Variants in NXPE2 observed in about 807,000 individuals in gnomAD.
The protein encoded by NXPE2 is neurexophilin and PC-esterase domain family member 2.
In NXPE2, 34 loss-of-function variants were observed where a neutral mutation model predicts 34.4. That is an observed-to-expected ratio of 0.99 (90% CI 0.75 to 1.31). The LOEUF (loss-of-function observed/expected upper bound fraction) is 1.31, where lower values mean the gene tolerates loss of function less well. NXPE2 is among the 40% of genes most tolerant of loss of function. NXPE2 has a pLI of 0.00. For synonymous variants in NXPE2, 235 were observed against 231.3 expected (o/e 1.02, Z -0.15); for missense variants, 649 against 672.5 (o/e 0.97, Z 0.39).
At chr11:114,731,199 T>C in the NXPE2 span, among the ~76,000 whole-genome samples, 7 of 143,902 alleles carry the variant, frequency 4.9e-5, no homozygotes, top group African/African-American at 1.5e-4. Flanking sequence ...TATCGGAATA[T>C]TTAAAATTAA....
chr11:114,617,235 C>T, the NXPE2 span, among the ~76,000 whole-genome samples: 2 of 152,056 alleles, frequency 1.3e-5, no homozygotes, highest in Non-Finnish European at 2.9e-5. Context: ...AATATTTCCT[C>T]GTGGGTAACC....
At chr11:114,482,421 G>T in the NXPE2 span, among the ~76,000 whole-genome samples, 1 of 152,116 alleles carries the variant, frequency 6.6e-6, no homozygotes, top group Admixed American at 6.6e-5. Flanking sequence ...ACTCATGAAA[G>T]AATTTCAGAA....
chr11:114,743,712 CT>C, the NXPE2 span, among the ~76,000 whole-genome samples: 1 of 151,786 alleles, frequency 6.6e-6, no homozygotes, highest in Non-Finnish European at 1.5e-5. Flanking sequence ...GCCGCCTTAT[CT>C]ATTTTCCACT....
chr11:114,770,304 G>T, the NXPE2 span, among the ~76,000 whole-genome samples: 41 of 152,304 alleles, frequency 2.7e-4, no homozygotes, highest in Middle Eastern at 6.8e-3. Flanking sequence ...GGATAATGGG[G>T]CCTTCCTACC....
chr11:114,577,058 C>CGTAT, the NXPE2 span, among the ~76,000 whole-genome samples: 2 of 29,930 alleles, frequency 6.7e-5, no homozygotes, highest in East Asian at 1.5e-3. Flanking sequence ...TATATATATA[C>CGTAT]ATATATATAT....
At chr11:114,808,044 C>A in the NXPE2 span, among the ~76,000 whole-genome samples, 1 of 152,206 alleles carries the variant, frequency 6.6e-6, no homozygotes, top group Non-Finnish European at 1.5e-5. Context: ...GAAACTCACT[C>A]AAAACTGCTC....
the NXPE2 span, among the ~76,000 whole-genome samples, chr11:114,604,091 A>C: frequency 0.015 from 2,241 of 152,160 alleles, 21 homozygotes; most frequent in Non-Finnish European, 0.022. Context: ...CTCATAGGTA[A>C]CTACTGTTAT....
At chr11:114,663,135 T>C in the NXPE2 span, among the ~76,000 whole-genome samples, 1 of 152,108 alleles carries the variant, frequency 6.6e-6, no homozygotes, top group East Asian at 1.9e-4. Flanking sequence ...CCCTTGGGCC[T>C]TAAGGGAACA....
At chr11:114,476,788 T>A in the NXPE2 span, among the ~76,000 whole-genome samples, 1 of 152,280 alleles carries the variant, frequency 6.6e-6, no homozygotes, top group Non-Finnish European at 1.5e-5. Context: ...ACCTGGAGAT[T>A]ACAATTTGAG....
the NXPE2 span, among the ~76,000 whole-genome samples, chr11:114,663,725 A>G: frequency 1.4e-5 from 2 of 138,634 alleles, no homozygotes; most frequent in African/African-American, 5.3e-5. Context: ...TGATCTACCT[A>G]CCTATCTATT....
chr11:114,711,930 C>T (rs551215498), downstream of NXPE2, among the ~76,000 whole-genome samples: 1 of 152,146 alleles, frequency 6.6e-6, no homozygotes, highest in Admixed American at 6.5e-5. Context: ...GAACAAAAAG[C>T]CCAGAAATAA....
At chr11:114,626,427 A>G in the NXPE2 span, among the ~76,000 whole-genome samples, 1 of 151,974 alleles carries the variant, frequency 6.6e-6, no homozygotes, top group Non-Finnish European at 1.5e-5. Flanking sequence ...CTGACACCTC[A>G]CGTGGCCGGG....
the NXPE2 span, among the ~76,000 whole-genome samples, chr11:114,774,827 A>G: frequency 9.2e-5 from 14 of 152,156 alleles, no homozygotes; most frequent in Admixed American, 9.2e-4. Context: ...TCATCTCCAA[A>G]GGGGGCGCTC....
At chr11:114,749,202 C>T in the NXPE2 span, among the ~76,000 whole-genome samples, 1 of 152,242 alleles carries the variant, frequency 6.6e-6, no homozygotes, top group South Asian at 2.1e-4. Flanking sequence ...TGTTCCTAGG[C>T]TCTATCAGGG....
chr11:114,566,633 G>A, the NXPE2 span, among the ~76,000 whole-genome samples: 1 of 151,954 alleles, frequency 6.6e-6, no homozygotes, highest in Non-Finnish European at 1.5e-5. Flanking sequence ...TTTCAAGAAG[G>A]TTTTATAAAA....
chr11:114,632,435 T>C, the NXPE2 span, among the ~76,000 whole-genome samples: 2 of 130,728 alleles, frequency 1.5e-5, no homozygotes, highest in African/African-American at 2.8e-5. Context: ...AATATAAATA[T>C]ATAATATATA....
intron 2 of NXPE2, among the ~76,000 whole-genome samples, chr11:114,687,378 C>T (rs1951067921): frequency 6.6e-6 from 1 of 151,954 alleles, no homozygotes; most frequent in Admixed American, 6.6e-5. Context: ...TTATCCTTTC[C>T]CCAGTGCTTA....
chr11:114,682,431 C>T (rs1438996120), intron 2 of NXPE2, among the ~76,000 whole-genome samples: 1 of 152,010 alleles, frequency 6.6e-6, no homozygotes, highest in Non-Finnish European at 1.5e-5. Context: ...AATTTCTGGC[C>T]CTGTGTCTCA....
At chr11:114,486,473 T>G in the NXPE2 span, among the ~76,000 whole-genome samples, 2 of 152,172 alleles carry the variant, frequency 1.3e-5, no homozygotes, top group Admixed American at 6.5e-5. Context: ...GTGGATTGTT[T>G]CCTTTGCTGT....
Sources: gnomAD v4.1 joint callset for allele counts (sites outside exome capture counted in the v4.1 genomes callset) on GRCh38, gnomAD v4.1.1 for gene constraint, MANE v1.5 for transcripts, NCBI Gene and HGNC (gene_info 2026-07-23, HGNC 2026-07-21) for gene names.